PRSS27: variants seen among roughly 807,000 people sequenced by gnomAD.
PRSS27 encodes channel-activating protease 2.
In PRSS27, 25 loss-of-function variants were observed where a neutral mutation model predicts 32.0. The observed-to-expected ratio is 0.78, with a 90% CI of 0.57 to 1.09. The LOEUF (loss-of-function observed/expected upper bound fraction) is 1.09. Among genes scored for constraint, PRSS27 ranks in the 50% least tolerant of loss-of-function variants. The pLI is 0.00. For synonymous variants in PRSS27, 178 were observed against 172.2 expected, an observed-to-expected ratio of 1.03 and a Z score of -0.26; for missense variants, 401 against 394.9, an observed-to-expected ratio of 1.02 and a Z score of -0.13.
In PRSS27 at chr16:2,715,880, G is replaced by A; in HGVS notation, c.74C>T (p.Ala25Val). 3 of 1,566,438 alleles carry A rather than the reference G, an allele frequency of 1.9e-6. No individual in the cohort carries two copies. The highest frequency in any genetic ancestry group is 2.6e-6 in the Non-Finnish European group (3 of 1,154,154). Reference protein sequence around the residue: ...FGSQRAKAATACGRPRMLNRM... With the variant: ...FGSQRAKAATVCGRPRMLNRM... ...GTTCAGCATCCTGGGGCGACCACAG[G>A]CTGGGGGAGCATGGGGAGCGGGTGG... Residue 25 changes from alanine (A) to valine (V), a missense_variant and splice_region_variant, in exon 3 of 6, where the codon GCC becomes GTC. By Grantham distance (64) the Ala-to-Val change is moderately conservative (BLOSUM62 0). Coordinates refer to ENST00000302641, the MANE Select transcript of PRSS27 (RefSeq NM_031948.5).
At chr16:2,715,696 G>A in intron 3 of PRSS27, 22 bp downstream of exon 3, 1 of 1,510,668 alleles carries the variant, frequency 6.6e-7, no homozygotes, top group Non-Finnish European at 8.8e-7. Context: ...CTATGGGCGG[G>A]GGCAGGGGCG....
chr16:2,719,399 G>A (rs1271518945), intron 1 of PRSS27, among the ~76,000 whole-genome samples: 1 of 152,158 alleles, frequency 6.6e-6, no homozygotes, highest in East Asian at 1.9e-4. Flanking sequence ...GGTGACTTGA[G>A]GACAGGGAAG....
chr16:2,712,665 G>C lies in PRSS27; in HGVS notation c.828C>G (p.Ile276Met). The C allele has an allele frequency of 6.3e-7, 1 of 1,599,034 alleles. No homozygotes were observed. Among genetic ancestry groups the C allele is most frequent in the Non-Finnish European group, 8.5e-7 (1 of 1,172,684 alleles). Residue 276 changes from isoleucine to methionine, a missense_variant, in exon 6 of 6, where the codon ATC becomes ATG. Ile to Met is a conservative substitution (Grantham distance 10). Coordinates refer to ENST00000302641, the MANE Select transcript of PRSS27 (RefSeq NM_031948.5). The surrounding 1 kb of genome is among the most constrained non-coding windows in gnomAD (Gnocchi z 4.6). ...TAHHNWIHRI[I>M]PKLQFQPARL... The stretch of plus-strand genomic sequence containing the variant: ...TCGCTGGCTGGAACTGCAGTTTGGG[G>C]ATGATCCGATGGATCCAGTTGTGGT...
chr16:2,719,597 G>A (rs2067722468), intron 1 of PRSS27, among the ~76,000 whole-genome samples: 2 of 152,152 alleles, frequency 1.3e-5, no homozygotes, highest in African/African-American at 2.4e-5. Flanking sequence ...AGGAGACAGG[G>A]CCCTCTGCCA....
chr16:2,718,030 A>G (rs1486893742), intron 1 of PRSS27: 1 of 152,218 alleles, frequency 6.6e-6, no homozygotes, highest in Non-Finnish European at 1.5e-5. Context: ...CGGGAGGGTT[A>G]TTCCCTGGCC....
At chr16:2,713,467 C>T in intron 5 of PRSS27, 62 bp downstream of exon 5, 1 of 1,532,774 alleles carries the variant, frequency 6.5e-7, no homozygotes, top group Non-Finnish European at 9.0e-7. Flanking sequence ...GGGGCATGAT[C>T]CCACCCTGCC....
Position 2,713,682 on chromosome 16 carries a change from C to A in PRSS27, c.525G>T (p.Pro175=), listed in dbSNP as rs200154784. The A allele has an allele frequency of 8.1e-6, 13 of 1,614,196 alleles. No homozygotes were observed. In the South Asian group the frequency reaches 1.1e-4, roughly 14 times the overall value. The change falls in exon 5 of 6, where the codon CCG becomes CCT. Residue 175 remains proline (P), a synonymous_variant. Transcript: ENST00000302641. ...GCACAGCGAGTTTCTGCAGGATCCG[C>A]GGTTCGGGCAGGAGGTCTGGAGAGG... ...SPSEEDLLPE[P]RILQKLAVPI...
intron 5 of PRSS27, chr16:2,713,237 T>C: frequency 8.6e-6 from 4 of 463,422 alleles, no homozygotes; most frequent in East Asian, 4.3e-5. Flanking sequence ...TAGCTGGGAC[T>C]ACAGGCGCCC....
At position 2,715,699 on chromosome 16, in the gene PRSS27, CA is replaced by C. The variant is rs2067697025; in HGVS notation, c.236+18del. 1 of 1,512,454 alleles carries C rather than the reference CA, an allele frequency of 6.6e-7. No individual in the cohort carries two copies. Among genetic ancestry groups the C allele is most frequent in the Admixed American group, 2.0e-5 (1 of 50,478 alleles). The allele number at this position is 1,512,454 out of a possible 1,614,324, so 93.7% of individuals were successfully genotyped here. On this transcript the variant is annotated intron_variant, in intron 3 of 5. Coordinates refer to ENST00000302641, the MANE Select transcript of PRSS27 (RefSeq NM_031948.5). ...GCGCTGTCAGCGCTATGGGCGGGGG[CA>C]GGGGCGGGCGGACTCACTTGCGGAA...
Position 2,714,176 on chromosome 16 carries a change from G to A in PRSS27, c.397C>T (p.Pro133Ser). The A allele has an allele frequency of 3.7e-6, 6 of 1,614,068 alleles. No homozygotes were observed. Among genetic ancestry groups the A allele is most frequent in the Non-Finnish European group, 5.1e-6 (6 of 1,180,032 alleles). The change falls in exon 4 of 6, where the codon CCA becomes TCA. Residue 133 changes from proline to serine, a missense_variant. Coordinates refer to ENST00000302641, the MANE Select transcript of PRSS27 (RefSeq NM_031948.5). This position sits in a 1 kb window ranked among gnomAD's most constrained non-coding sequence, Gnocchi z 4.7. ...ADVALVELEA[P>S]VPFTNYILPV... ...AGGATGTAATTGGTGAAGGGCACTG[G>A]TGCCTCCAGCTCCACCAGGGCCACG...
chr16:2,716,085 C>T (rs1402585117), intron 2 of PRSS27: 2 of 540,870 alleles, frequency 3.7e-6, no homozygotes, highest in South Asian at 5.6e-5. Flanking sequence ...TCACTCTCCT[C>T]GCCGAGAAAG....
intron 3 of PRSS27, 94 bp downstream of exon 3, chr16:2,715,624 G>A: frequency 1.9e-6 from 2 of 1,059,588 alleles, no homozygotes; most frequent in Non-Finnish European, 2.6e-6. Flanking sequence ...TCACCCGCAG[G>A]ATTTGGCGCG....
Position 2,713,687 on chromosome 16 carries a change from C to G in PRSS27, c.520G>C (p.Glu174Gln). The G allele has an allele frequency of 6.2e-7, 1 of 1,614,174 alleles. No homozygotes were observed. The highest frequency in any genetic ancestry group is 8.5e-7 in the Non-Finnish European group (1 of 1,180,022). ...GSPSEEDLLP[E>Q]PRILQKLAVP... is the part of the protein sequence containing the mutation. ...GCGAGTTTCTGCAGGATCCGCGGTT[C>G]GGGCAGGAGGTCTGGAGAGGGGCGG... The change falls in exon 5 of 6, where the codon GAA becomes CAA. Residue 174 changes from glutamate to glutamine, a missense_variant. Transcript: ENST00000302641.
chr16:2,713,934 C>T (rs1194201599), intron 4 of PRSS27, 131 bp downstream of exon 4: 2 of 1,141,414 alleles, frequency 1.8e-6, no homozygotes, highest in East Asian at 4.7e-5. Context: ...CTCGGCCCCA[C>T]CTGTGTGAAC....
At position 2,714,393 on chromosome 16, in the gene PRSS27, G is replaced by A. The variant is rs769805752; in HGVS notation, c.237-57C>T. On this transcript the variant is annotated intron_variant, in intron 3 of 5. Coordinates refer to ENST00000302641, the MANE Select transcript of PRSS27 (RefSeq NM_031948.5). The surrounding 1 kb of genome is among the most constrained non-coding windows in gnomAD (Gnocchi z 4.7). ...CGGCCCCTCGTGTGGGGACAGGCCC[G>A]GGAGGGGCTGGGGCTCCTCTGGCCA... The A allele has an allele frequency of 8.2e-6, 13 of 1,583,266 alleles. No individual in the cohort carries two copies. Among genetic ancestry groups the A allele is most frequent in the East Asian group, 4.5e-5 (2 of 44,244 alleles).
chr16:2,713,192 A>G (rs901656518), intron 5 of PRSS27: 41 of 451,804 alleles, frequency 9.1e-5, no homozygotes, highest in South Asian at 3.9e-4. Flanking sequence ...TCCGCCTCCC[A>G]GGTTCGCGCC....
Position 2,713,695 on chromosome 16 carries a change from A to C in PRSS27, c.512T>G (p.Leu171Arg). Residue 171 changes from leucine (L) to arginine (R), a missense_variant, in exon 5 of 6, where the codon CTC (leucine) becomes CGC (arginine). Physicochemically the swap from Leu to Arg is moderately radical, Grantham distance 102 (BLOSUM62 -2). Coordinates refer to ENST00000302641, the MANE Select transcript of PRSS27 (RefSeq NM_031948.5). ...CTGCAGGATCCGCGGTTCGGGCAGGAGGTCTGGAGAGGGGCGGAACAGCCC... is the reference window on the plus strand; with the variant it reads ...CTGCAGGATCCGCGGTTCGGGCAGGCGGTCTGGAGAGGGGCGGAACAGCCC... The part of the protein sequence containing the change: ...TGWGSPSEED[L>R]LPEPRILQKL... 6.2e-7 allele frequency: 1 copy of C among 1,614,156 alleles called. No homozygotes were observed. The highest frequency in any genetic ancestry group is 8.5e-7 in the Non-Finnish European group (1 of 1,180,006).
intron 1 of PRSS27, 36 bp downstream of exon 1, chr16:2,720,078 GA>G (rs768770280): frequency 1.3e-6 from 2 of 1,561,550 alleles, no homozygotes; most frequent in Middle Eastern, 1.7e-4. Context: ...CCTGGTGGGG[GA>G]CTGCACCACC....
At chr16:2,713,377 C>A in intron 5 of PRSS27, 152 bp downstream of exon 5, 1 of 803,360 alleles carries the variant, frequency 1.2e-6, no homozygotes. Context: ...GGATTACAGG[C>A]GTGAGCCACC....
Sources: gnomAD v4.1 joint callset for allele counts (sites outside exome capture counted in the v4.1 genomes callset) on GRCh38, gnomAD v4.1.1 for gene constraint, Gnocchi (gnomAD v3.1) non-coding constraint, MANE v1.5 for transcripts, NCBI Gene and HGNC (gene_info 2026-07-23, HGNC 2026-07-21) for gene names.